SYT10: variants seen among roughly 807,000 people sequenced by gnomAD.
SYT10 encodes the protein synaptotagmin-10.
A neutral mutation model predicts 51.1 loss-of-function variants in SYT10; 31 were observed. That is an observed-to-expected ratio of 0.61 (90% CI 0.46 to 0.82). The LOEUF is 0.82. Ranked by LOEUF, SYT10 falls within the 40% of genes least tolerant of loss-of-function variation. The pLI is 0.00. For missense variants in SYT10, 603 were observed against 634.0 expected, an observed-to-expected ratio of 0.95 and a Z score of 0.53; for synonymous variants, 233 against 225.9, an observed-to-expected ratio of 1.03 and a Z score of -0.28.
chr12:33,394,329 A>G (rs1241334181), intron 3 of SYT10, among the ~76,000 whole-genome samples: 1 of 152,218 alleles, frequency 6.6e-6, no homozygotes, highest in Admixed American at 6.5e-5. Context: ...CTTGTATAAT[A>G]TTGCCACATT....
Position 33,439,075 on chromosome 12 carries a change from G to A in SYT10, c.151+297C>T, listed in dbSNP as rs567865910. ...CTTCTCCACTCCGGGAGGGAGATGG[G>A]AGGCGTGGGAGAACGCGGAGAGGCG... On this transcript the variant is annotated intron_variant, in intron 1 of 6. Coordinates refer to ENST00000228567, the MANE Select transcript of SYT10 (RefSeq NM_198992.4). 9.2e-5 allele frequency among the ~76,000 whole-genome samples: 14 copies of A among 152,380 alleles called. No individual in the cohort carries two copies. In the East Asian group the frequency reaches 1.9e-3, roughly 21 times the overall value.
chr12:33,391,439 A>G (rs1024930268), intron 3 of SYT10, among the ~76,000 whole-genome samples: 6 of 152,104 alleles, frequency 3.9e-5, no homozygotes, highest in African/African-American at 1.4e-4. Context: ...TCAGCTTATA[A>G]GGAGGCTGTG....
chr12:33,430,275 T>C (rs958924501), intron 1 of SYT10, among the ~76,000 whole-genome samples: 1 of 152,174 alleles, frequency 6.6e-6, no homozygotes, highest in South Asian at 2.1e-4. Flanking sequence ...TATCCCAAAA[T>C]AAAGTGACAT....
At chr12:33,378,724 C>G (rs554982105) in intron 6 of SYT10, among the ~76,000 whole-genome samples, 1 of 152,016 alleles carries the variant, frequency 6.6e-6, no homozygotes, top group East Asian at 1.9e-4. Context: ...ACTGTTGAAA[C>G]AAATAATAAC....
intron 3 of SYT10, among the ~76,000 whole-genome samples, chr12:33,389,719 G>C (rs1866187863): frequency 6.6e-6 from 1 of 152,154 alleles, no homozygotes; most frequent in African/African-American, 2.4e-5. Context: ...AATGCAGCCT[G>C]TCTTCCACAT....
Position 33,376,817 on chromosome 12 carries a change from C to A in SYT10, c.*13G>T, listed in dbSNP as rs754356796. ...TCCTAGATGCTTAATATCATGGTCT[C>A]ATTTTGGAGGCATTATGGTGTGGAA... On this transcript the variant is annotated 3_prime_UTR_variant, in exon 7 of 7. Transcript: ENST00000228567. 6.2e-6 allele frequency: 10 copies of A among 1,613,938 alleles called. No homozygotes were observed. The highest frequency in any genetic ancestry group is 8.5e-6 in the Non-Finnish European group (10 of 1,179,918).
At chr12:33,422,499 T>G (rs905817071) in intron 2 of SYT10, among the ~76,000 whole-genome samples, 2 of 152,132 alleles carry the variant, frequency 1.3e-5, no homozygotes, top group Non-Finnish European at 2.9e-5. Flanking sequence ...ACAAATATTT[T>G]TTTTTGACAA....
At chr12:33,435,157 T>A (rs1024227645) in intron 1 of SYT10, among the ~76,000 whole-genome samples, 3 of 152,216 alleles carry the variant, frequency 2.0e-5, no homozygotes, top group Admixed American at 6.5e-5. Flanking sequence ...ACTGTTTTTT[T>A]AAAAATGTGA....
At chr12:33,395,379 TACTGGTTA>T (rs1866247309) in intron 3 of SYT10, among the ~76,000 whole-genome samples, 1 of 152,220 alleles carries the variant, frequency 6.6e-6, no homozygotes, top group African/African-American at 2.4e-5. Flanking sequence ...ATAATAGTTA[TACTGGTTA>T]AATGCAAGGA....
chr12:33,419,780 ACTT>A (rs1434998209), intron 2 of SYT10, among the ~76,000 whole-genome samples: 4 of 152,224 alleles, frequency 2.6e-5, no homozygotes, highest in Admixed American at 2.0e-4. Flanking sequence ...CTTGGAAAAT[ACTT>A]CTTCATAGCT....
intron 3 of SYT10, among the ~76,000 whole-genome samples, chr12:33,402,358 TTTC>T (rs1271048000): frequency 1.3e-5 from 2 of 152,348 alleles, no homozygotes; most frequent in East Asian, 3.9e-4. Context: ...ATGCTGTTTT[TTTC>T]TTCAAGAATC....
chr12:33,421,857 C>T (rs1016717691), intron 2 of SYT10, among the ~76,000 whole-genome samples: 8 of 151,956 alleles, frequency 5.3e-5, no homozygotes, highest in African/African-American at 1.7e-4. Context: ...TACATAAAAA[C>T]GAGGTTGTTA....
intron 1 of SYT10, among the ~76,000 whole-genome samples, chr12:33,436,036 A>G (rs1196475585): frequency 1.3e-5 from 2 of 152,168 alleles, no homozygotes; most frequent in Non-Finnish European, 2.9e-5. Flanking sequence ...TTAAGCTTAG[A>G]GCTATACAAT....
At position 33,402,866 on chromosome 12, in the gene SYT10, T is replaced by A. The variant is rs532153681; in HGVS notation, c.1077+3923A>T. Among the ~76,000 whole-genome samples the A allele has an allele frequency of 7.0e-3, 1,059 of 152,230 alleles. 12 individuals carry two copies. Among genetic ancestry groups the A allele is most frequent in the African/African-American group, 0.024 (978 of 41,550 alleles). On this transcript the variant is annotated intron_variant, in intron 3 of 6. Coordinates refer to ENST00000228567, the MANE Select transcript of SYT10 (RefSeq NM_198992.4). ...ACAAAAGCCGCTGGTCTGATTTTCC[T>A]AGAGTCTTATTTTCAACAATTATGA...
chr12:33,392,807 A>C (rs944754538), intron 3 of SYT10, among the ~76,000 whole-genome samples: 2 of 151,752 alleles, frequency 1.3e-5, no homozygotes, highest in Non-Finnish European at 2.9e-5. Context: ...TAGAGACAGG[A>C]TAATTACAAA....
intron 1 of SYT10, among the ~76,000 whole-genome samples, chr12:33,428,678 G>T (rs572305464): frequency 6.6e-6 from 1 of 152,012 alleles, no homozygotes; most frequent in Non-Finnish European, 1.5e-5. Context: ...AGGCTGAGAC[G>T]GGCGGATCAC....
At chr12:33,410,200 C>T (rs1428265840) in intron 2 of SYT10, among the ~76,000 whole-genome samples, 2 of 152,082 alleles carry the variant, frequency 1.3e-5, no homozygotes, top group Non-Finnish European at 2.9e-5. Flanking sequence ...AGTAATTTTA[C>T]GGGCCTAAAT....
intron 3 of SYT10, among the ~76,000 whole-genome samples, chr12:33,401,853 C>T (rs1251451158): frequency 6.6e-6 from 1 of 152,144 alleles, no homozygotes; most frequent in Non-Finnish European, 1.5e-5. Flanking sequence ...AGCATTTATT[C>T]ATTAACCACT....
chr12:33,407,480 T>TATCTTTTC, intron 2 of SYT10, 124 bp from the exon 3 acceptor site: 2 of 958,694 alleles, frequency 2.1e-6, no homozygotes, highest in Non-Finnish European at 3.0e-6. Context: ...TCTACATAGA[T>TATCTTTTC]AGACACATAC....
Sources: allele counts gnomAD v4.1 joint callset (sites outside exome capture counted in the v4.1 genomes callset), GRCh38; gene constraint gnomAD v4.1.1; transcripts MANE v1.5; gene names NCBI Gene and HGNC (gene_info 2026-07-23, HGNC 2026-07-21).